ABI3BP: variants seen among roughly 807,000 people sequenced by gnomAD.
ABI3BP encodes the protein ABI family member 3 binding protein, also known as target of Nesh-SH3.
In ABI3BP, 216 loss-of-function variants were observed where a neutral mutation model predicts 268.6. That is an observed-to-expected ratio of 0.80 (90% CI 0.72 to 0.90). ABI3BP has a LOEUF of 0.90. Among genes scored for constraint, ABI3BP ranks in the 40% least tolerant of loss-of-function variants. ABI3BP has a pLI of 0.00. For synonymous variants in ABI3BP, 730 were observed against 730.0 expected, an observed-to-expected ratio of 1.00 and a Z score of 0.00; for missense variants, 2,090 against 2,182.4, an observed-to-expected ratio of 0.96 and a Z score of 0.84.
chr3:100,956,560 G>A (rs1157701688), intron 1 of ABI3BP, among the ~76,000 whole-genome samples: 1 of 152,176 alleles, frequency 6.6e-6, no homozygotes, highest in Non-Finnish European at 1.5e-5. Flanking sequence ...GTAAACAAGT[G>A]ATTGAGCAAA....
In ABI3BP at chr3:100,886,220, C is replaced by T; in HGVS notation, c.565G>A (p.Val189Ile). The T allele has an allele frequency of 6.2e-7, 1 of 1,609,506 alleles. No homozygotes were observed. The highest frequency in any genetic ancestry group is 8.5e-7 in the Non-Finnish European group (1 of 1,177,658). The change falls in exon 5 of 68, where the codon GTT becomes ATT. Residue 189 changes from valine (V) to isoleucine (I), a missense_variant. Transcript: ENST00000471714. ...TIVENLKPNT[V>I]YEFGVKDNVE... ...TTGTCTTTCACTCCAAATTCATAAACTGTGTTGGGCTTTAGGTTTTCCACA... is the reference window on the plus strand; with the variant it reads ...TTGTCTTTCACTCCAAATTCATAAATTGTGTTGGGCTTTAGGTTTTCCACA...
At chr3:100,771,001 GA>G in intron 61 of ABI3BP, 49 bp from the exon 62 acceptor site, 1 of 1,379,086 alleles carries the variant, frequency 7.3e-7, no homozygotes. Context: ...AACTCATGAA[GA>G]AGATAGAAGT....
chr3:100,826,162 A>T (rs934333369), intron 34 of ABI3BP, among the ~76,000 whole-genome samples: 19 of 152,238 alleles, frequency 1.2e-4, no homozygotes, highest in African/African-American at 4.6e-4. Context: ...AGGAAAGGCC[A>T]TGTGAGGATA....
chr3:100,862,880 C>T lies in ABI3BP; in HGVS notation c.1168G>A (p.Ala390Thr). ...TTCTCAAAAGGGAAGGGTGTTTTTG[C>T]CTCAGGAAATTCTGGAAGGCTTTTT... The part of the protein sequence containing the change: ...APKSLPEFPE[A>T]KTPFPFEKPR... The change falls in exon 13 of 68, where the codon GCA (alanine) becomes ACA (threonine). Residue 390 changes from alanine (A) to threonine (T), a missense_variant. Coordinates refer to ENST00000471714, the MANE Select transcript of ABI3BP (RefSeq NM_001375547.2). 9.1e-6 allele frequency: 14 copies of T among 1,535,624 alleles called. No individual in the cohort carries two copies. The highest frequency in any genetic ancestry group is 1.2e-5 in the Non-Finnish European group (14 of 1,146,692).
chr3:100,941,146 T>C (rs531997662), intron 1 of ABI3BP, among the ~76,000 whole-genome samples: 77 of 151,900 alleles, frequency 5.1e-4, no homozygotes, highest in African/African-American at 1.8e-3. Context: ...ACTTTACTTA[T>C]ACATGAACAT....
chr3:100,968,582 G>T (rs1004039223), intron 1 of ABI3BP, among the ~76,000 whole-genome samples: 4 of 151,742 alleles, frequency 2.6e-5, no homozygotes, highest in African/African-American at 9.7e-5. Flanking sequence ...ATCTTGGTCT[G>T]TATCTTTTAA....
At chr3:100,807,926 C>T (rs1344027826) in intron 50 of ABI3BP, among the ~76,000 whole-genome samples, 1 of 151,928 alleles carries the variant, frequency 6.6e-6, no homozygotes, top group Non-Finnish European at 1.5e-5. Context: ...CATTCATGTC[C>T]ATCTCATCTT....
chr3:100,757,158 G>A (rs1415473114), intron 63 of ABI3BP, among the ~76,000 whole-genome samples: 2 of 151,994 alleles, frequency 1.3e-5, no homozygotes, highest in African/African-American at 2.4e-5. Flanking sequence ...GAAAGTTGGA[G>A]AATTATTCCA....
chr3:100,830,110 CATATATATATATATATATATAT>C (rs559297681), intron 32 of ABI3BP, among the ~76,000 whole-genome samples: 2,954 of 44,686 alleles, frequency 0.066, 131 homozygotes, highest in Non-Finnish European at 0.099. Flanking sequence ...TACATACATA[CATATATATATATATATATATAT>C]ATATATATAT....
At chr3:100,882,485 C>T (rs1271676930) in intron 6 of ABI3BP, among the ~76,000 whole-genome samples, 1 of 150,194 alleles carries the variant, frequency 6.7e-6, no homozygotes, top group African/African-American at 2.4e-5. Flanking sequence ...CAGAAGGAAA[C>T]AATAAACCTT....
chr3:100,825,844 A>C lies in ABI3BP; in HGVS notation c.2603T>G (p.Val868Gly), dbSNP rs1470689788. The C allele has an allele frequency of 6.5e-7, 1 of 1,533,332 alleles. No homozygotes were observed. The highest frequency in any genetic ancestry group is 8.7e-7 in the Non-Finnish European group (1 of 1,144,532). 95.0% of individuals were successfully genotyped at this position (1,533,332 alleles called of 1,614,324 possible). The change falls in exon 35 of 68, where the codon GTT becomes GGT. Residue 868 changes from valine (V) to glycine (G), a missense_variant and splice_region_variant. By Grantham distance (109) the Val-to-Gly change is moderately radical. Transcript: ENST00000471714. ...AACAGGCTCGAGGTCTGTAACAGGA[A>C]CTGAAGTAATAAGATAAACAAAAGA... ...PIKEAPGTTFVPVTDLEPVTF... is the reference protein window; with the variant it reads ...PIKEAPGTTFGPVTDLEPVTF...
chr3:100,955,002 C>CCACA (rs71618740), intron 1 of ABI3BP, among the ~76,000 whole-genome samples: 3 of 123,606 alleles, frequency 2.4e-5, no homozygotes, highest in Non-Finnish European at 5.0e-5. Flanking sequence ...TTTTTTTTTA[C>CCACA]GAATCATAAA....
chr3:100,917,133 G>C (rs2058839537), intron 2 of ABI3BP, among the ~76,000 whole-genome samples: 1 of 152,196 alleles, frequency 6.6e-6, no homozygotes, highest in African/African-American at 2.4e-5. Flanking sequence ...TGGGTAGTCA[G>C]CTATTACAGC....
chr3:100,924,835 C>T (rs530629212), intron 2 of ABI3BP, among the ~76,000 whole-genome samples: 3 of 152,166 alleles, frequency 2.0e-5, no homozygotes, highest in South Asian at 2.1e-4. Flanking sequence ...AAAGAGCTTA[C>T]AATTGACCCA....
intron 9 of ABI3BP, among the ~76,000 whole-genome samples, chr3:100,874,229 C>T (rs2099138482): frequency 6.6e-6 from 1 of 152,074 alleles, no homozygotes; most frequent in South Asian, 2.1e-4. Context: ...GTGTTAAGCC[C>T]TCCAGGTGCT....
chr3:100,862,669 A>C (rs1440807808), intron 13 of ABI3BP, 169 bp downstream of exon 13: 2 of 614,854 alleles, frequency 3.3e-6, no homozygotes, highest in Non-Finnish European at 2.8e-6. Context: ...GTTTTACCGA[A>C]TTTGCAGAAA....
At chr3:100,914,098 TCAAA>T (rs1351585743) in intron 2 of ABI3BP, among the ~76,000 whole-genome samples, 1 of 152,146 alleles carries the variant, frequency 6.6e-6, no homozygotes, top group African/African-American at 2.4e-5. Flanking sequence ...TGAAAAGTAA[TCAAA>T]CAATTAGTCT....
chr3:100,910,729 A>G (rs1270794422), intron 2 of ABI3BP, among the ~76,000 whole-genome samples: 7 of 152,162 alleles, frequency 4.6e-5, no homozygotes, highest in South Asian at 2.1e-4. Flanking sequence ...TCAACAACTT[A>G]GTGAAATGTG....
At chr3:100,875,803 T>C (rs867078727) in intron 7 of ABI3BP, among the ~76,000 whole-genome samples, 41 of 152,322 alleles carry the variant, frequency 2.7e-4, no homozygotes, top group African/African-American at 9.4e-4. Context: ...TATCATAAGG[T>C]GTTCCATTCT....
Sources: gnomAD v4.1 joint callset for allele counts (sites outside exome capture counted in the v4.1 genomes callset) on GRCh38, gnomAD v4.1.1 for gene constraint, MANE v1.5 for transcripts, NCBI Gene and HGNC (gene_info 2026-07-23, HGNC 2026-07-21) for gene names.